The following CDH8 variants were observed in gnomAD, a reference collection of about 807,000 sequenced individuals.
CDH8 encodes the protein cadherin 8.
Under a neutral mutation model 68.1 loss-of-function variants are expected in CDH8, and 17 were observed. That is an observed-to-expected ratio of 0.25 (90% CI 0.17 to 0.37). The LOEUF (loss-of-function observed/expected upper bound fraction) is 0.37. Ranked by LOEUF, CDH8 falls within the 10% of genes least tolerant of loss-of-function variation. The pLI is 1.00. For synonymous variants in CDH8, 372 were observed against 365.1 expected (o/e 1.02, Z -0.21); for missense variants, 763 against 999.3 (o/e 0.76, Z 3.19).
intron 2 of CDH8, among the ~76,000 whole-genome samples, chr16:62,016,767 C>G (rs1048693001): frequency 3.3e-5 from 5 of 152,184 alleles, no homozygotes; most frequent in African/African-American, 1.2e-4. Flanking sequence ...GAAATCCAGA[C>G]AAAAGCTTTC....
At chr16:61,989,294 A>T (rs551352372) in intron 2 of CDH8, among the ~76,000 whole-genome samples, 2 of 152,194 alleles carry the variant, frequency 1.3e-5, no homozygotes, top group Admixed American at 1.3e-4. Context: ...GAGTGATTCA[A>T]AATATTCCAG....
chr16:61,741,881 G>A (rs573986232), intron 8 of CDH8, among the ~76,000 whole-genome samples: 1 of 151,868 alleles, frequency 6.6e-6, no homozygotes, highest in East Asian at 1.9e-4. Flanking sequence ...ATACACACAC[G>A]TGCACATGCA....
intron 8 of CDH8, among the ~76,000 whole-genome samples, chr16:61,783,091 G>T (rs1437744172): frequency 5.4e-5 from 8 of 148,582 alleles, no homozygotes; most frequent in South Asian, 2.2e-4. Context: ...GATGGAGAAT[G>T]ACTTTGACGA....
intron 8 of CDH8, among the ~76,000 whole-genome samples, chr16:61,760,865 A>T (rs1960448026): frequency 6.6e-6 from 1 of 152,138 alleles, no homozygotes; most frequent in Admixed American, 6.5e-5. Context: ...ATAAATATCA[A>T]ACAAAGACGA....
chr16:61,848,192 T>C (rs1962855015), intron 4 of CDH8, among the ~76,000 whole-genome samples: 1 of 152,092 alleles, frequency 6.6e-6, no homozygotes, highest in Non-Finnish European at 1.5e-5. Context: ...CTACCTGGTG[T>C]GTTCACATTG....
intron 7 of CDH8, among the ~76,000 whole-genome samples, chr16:61,801,729 C>G (rs367951998): frequency 6.6e-6 from 1 of 152,206 alleles, no homozygotes; most frequent in African/African-American, 2.4e-5. Flanking sequence ...AATCGGGTCA[C>G]TCCCACCCGA....
intron 9 of CDH8, 75 bp downstream of exon 9, chr16:61,727,019 A>G (rs1959393087): frequency 2.7e-6 from 4 of 1,472,202 alleles, no homozygotes; most frequent in Non-Finnish European, 3.8e-6. Context: ...CAAATGCACA[A>G]TATAATGCAG....
chr16:61,714,823 G>A (rs1172929264), intron 9 of CDH8, among the ~76,000 whole-genome samples: 1 of 151,648 alleles, frequency 6.6e-6, no homozygotes, highest in Non-Finnish European at 1.5e-5. Flanking sequence ...ACCATAAAAA[G>A]TAGTTAACAG....
intron 4 of CDH8, among the ~76,000 whole-genome samples, chr16:61,829,440 T>C (rs1050480904): frequency 1.4e-4 from 21 of 151,876 alleles, no homozygotes; most frequent in Non-Finnish European, 2.7e-4. Context: ...ACTGGGACTC[T>C]GTCCAAGTGC....
intron 2 of CDH8, among the ~76,000 whole-genome samples, chr16:61,910,902 C>A (rs773646489): frequency 6.6e-6 from 1 of 152,124 alleles, no homozygotes; most frequent in Non-Finnish European, 1.5e-5. Flanking sequence ...CTGAGCTTAA[C>A]GTCTTACATT....
At chr16:61,864,342 GTTGA>G (rs1387356076) in intron 3 of CDH8, among the ~76,000 whole-genome samples, 2 of 137,616 alleles carry the variant, frequency 1.5e-5, no homozygotes, top group Non-Finnish European at 1.6e-5. Flanking sequence ...TGGTTGGTTG[GTTGA>G]TTGAAAGTCT....
chr16:61,655,279 A>G (rs1425753165), intron 11 of CDH8, among the ~76,000 whole-genome samples, 191 bp downstream of exon 11: 1 of 152,206 alleles, frequency 6.6e-6, no homozygotes, highest in Non-Finnish European at 1.5e-5. Context: ...AGTCCTCTTC[A>G]TTTGGACATT....
At chr16:61,893,499 A>G (rs372565033) in intron 3 of CDH8, among the ~76,000 whole-genome samples, 40 of 152,020 alleles carry the variant, frequency 2.6e-4, no homozygotes, top group African/African-American at 9.6e-4. Context: ...GCTTGGGAAC[A>G]CTGACATCCT....
chr16:61,650,986 T>C lies in CDH8; in HGVS notation c.*2622A>G, dbSNP rs568218500. 39 of 152,230 alleles carry C rather than the reference T, an allele frequency of 2.6e-4. No individual in the cohort carries two copies. The highest frequency in any genetic ancestry group is 9.1e-4 in the African/African-American group (38 of 41,566). The allele number at this position is 152,230 out of a possible 1,614,324, so 9.4% of individuals were successfully genotyped here. On this transcript the variant is annotated 3_prime_UTR_variant, in exon 12 of 12. Coordinates refer to ENST00000577390, the MANE Select transcript of CDH8 (RefSeq NM_001796.5). ...TTTGGGCAACTAGTAGAGCAGACAT[T>C]ATCTCCTGCTCACAGAAACCACTGT...
At chr16:62,014,959 G>C (rs1025533035) in intron 2 of CDH8, among the ~76,000 whole-genome samples, 4 of 151,594 alleles carry the variant, frequency 2.6e-5, no homozygotes, top group Non-Finnish European at 5.9e-5. Flanking sequence ...AGGACTTACA[G>C]AACAAGGACT....
At chr16:61,862,137 A>T (rs942402648) in intron 3 of CDH8, among the ~76,000 whole-genome samples, 1 of 34,258 alleles carries the variant, frequency 2.9e-5, no homozygotes, top group Non-Finnish European at 4.5e-5. Context: ...AACACCACTC[A>T]CACACACACA....
chr16:61,768,352 C>T (rs911749157), intron 8 of CDH8, among the ~76,000 whole-genome samples: 2 of 113,742 alleles, frequency 1.8e-5, no homozygotes, highest in African/African-American at 7.0e-5. Context: ...CTCTCTCTCT[C>T]TCTCTCTCTC....
rs531547297 is a variant in CDH8, at chr16:61,825,902, T to C, written c.668-723A>G. ...AATCTTAATGTTTTTTCTTCTGATA[T>C]ATATTCAGCGTTTCATGTGGGTTTG... On this transcript the variant is annotated intron_variant, in intron 4 of 11. Transcript: ENST00000577390. Among the ~76,000 whole-genome samples the C allele has an allele frequency of 9.9e-5, 15 of 152,094 alleles. No individual in the cohort carries two copies. In the South Asian group the frequency reaches 2.1e-3, roughly 21 times the overall value.
At chr16:61,828,828 C>T (rs902886730) in intron 4 of CDH8, among the ~76,000 whole-genome samples, 1 of 151,874 alleles carries the variant, frequency 6.6e-6, no homozygotes, top group African/African-American at 2.4e-5. Context: ...CATATCCTCT[C>T]AATCAGAGAT....
Sources: gnomAD v4.1 joint callset for allele counts (sites outside exome capture counted in the v4.1 genomes callset) on GRCh38, gnomAD v4.1.1 for gene constraint, MANE v1.5 for transcripts, NCBI Gene and HGNC (gene_info 2026-07-23, HGNC 2026-07-21) for gene names.